TRIT1: variants seen among roughly 807,000 people sequenced by gnomAD.
The protein encoded by TRIT1 is tRNA isopentenyltransferase 1, also known as tRNA dimethylallyltransferase.
A neutral mutation model predicts 51.2 loss-of-function variants in TRIT1; 43 were observed. That is an observed-to-expected ratio of 0.84 (90% CI 0.66 to 1.08). The LOEUF (loss-of-function observed/expected upper bound fraction) is 1.08. Among genes scored for constraint, TRIT1 ranks in the 50% least tolerant of loss-of-function variants. The pLI, the probability that TRIT1 is intolerant of heterozygous loss-of-function variation, is 0.00. For synonymous variants in TRIT1, 184 were observed against 203.9 expected (o/e 0.90, Z 0.83); for missense variants, 528 against 578.4 (o/e 0.91, Z 0.89).
intron 10 of TRIT1, among the ~76,000 whole-genome samples, chr1:39,842,782 A>G (rs1641991427): frequency 6.6e-6 from 1 of 152,236 alleles, no homozygotes; most frequent in South Asian, 2.1e-4. Context: ...TTAAGAGTTT[A>G]GAAGCAAGAA....
chr1:39,850,968 T>C lies in TRIT1; in HGVS notation c.561-707A>G, dbSNP rs536686839. Among the ~76,000 whole-genome samples the C allele has an allele frequency of 5.3e-5, 8 of 152,346 alleles. No individual in the cohort carries two copies. The South Asian group carries it at 1.0e-3, about 20-fold the overall frequency. ...TTATTCTTAAGCCACCATCCACTTCTGTCCGTATCTATTATGTTATGCAGC... is the reference window on the plus strand; with the variant it reads ...TTATTCTTAAGCCACCATCCACTTCCGTCCGTATCTATTATGTTATGCAGC... On this transcript the variant is annotated intron_variant, in intron 4 of 10. Transcript: ENST00000316891.
At chr1:39,870,912 C>T (rs764749938) in intron 1 of TRIT1, among the ~76,000 whole-genome samples, 1 of 152,136 alleles carries the variant, frequency 6.6e-6, no homozygotes. Flanking sequence ...GGTGAATAGA[C>T]ACCAGGCGCG....
intron 1 of TRIT1, among the ~76,000 whole-genome samples, chr1:39,883,110 T>G (rs1644313689): frequency 6.6e-6 from 1 of 152,190 alleles, no homozygotes; most frequent in Non-Finnish European, 1.5e-5. Context: ...TACCAAATAG[T>G]AACGTCGTGA....
At position 39,844,063 on chromosome 1, in the gene TRIT1, C is replaced by T. The variant is rs201497122; in HGVS notation, c.1234+38G>A. 116 of 1,459,458 alleles carry T rather than the reference C, an allele frequency of 7.9e-5. No individual in the cohort carries two copies. In the African/African-American group the frequency reaches 1.4e-3, roughly 17 times the overall value. 90.4% of individuals were successfully genotyped at this position (1,459,458 alleles called of 1,614,324 possible). A position where few individuals can be genotyped will look rare whatever the true frequency, so the allele number is the denominator to read the frequency against. ...ATTTCATGAAGTCAATGTGAACCCA[C>T]CCTTATAGATTTCTTCATGCCCCTC... On this transcript the variant is annotated intron_variant, in intron 10 of 10. Transcript: ENST00000316891.
chr1:39,847,515 G>A (rs1188653749), intron 7 of TRIT1, 33 bp downstream of exon 7: 1 of 1,607,040 alleles, frequency 6.2e-7, no homozygotes, highest in Non-Finnish European at 8.5e-7. Context: ...ACCCAAAGAT[G>A]TCCAAGACTA....
chr1:39,850,597 G>A (rs1472206941), intron 4 of TRIT1, among the ~76,000 whole-genome samples: 1 of 152,090 alleles, frequency 6.6e-6, no homozygotes, highest in African/African-American at 2.4e-5. Context: ...ACTCAGAAAA[G>A]GGTACTAAAG....
At chr1:39,848,343 T>C (rs757048599) in intron 5 of TRIT1, among the ~76,000 whole-genome samples, 3 of 152,062 alleles carry the variant, frequency 2.0e-5, no homozygotes, top group African/African-American at 4.8e-5. Flanking sequence ...AAGCATACAA[T>C]TACAGCAACT....
chr1:39,847,015 T>G, intron 8 of TRIT1: 1 of 533,540 alleles, frequency 1.9e-6, no homozygotes, highest in Non-Finnish European at 3.3e-6. Context: ...GAAGGCAGAC[T>G]CCTCAATGCA....
chr1:39,868,766 A>C (rs1557572181), intron 1 of TRIT1, among the ~76,000 whole-genome samples: 1 of 151,504 alleles, frequency 6.6e-6, no homozygotes, highest in Non-Finnish European at 1.5e-5. Flanking sequence ...ATATGAAAAG[A>C]AGCTCAACAC....
At chr1:39,842,633 C>G (rs192679451) in intron 10 of TRIT1, among the ~76,000 whole-genome samples, 32 of 152,340 alleles carry the variant, frequency 2.1e-4, no homozygotes, top group African/African-American at 7.7e-4. Flanking sequence ...ACCCCTAAGA[C>G]AGTTCCCACC....
At chr1:39,852,484 A>G (rs1294135318) in intron 4 of TRIT1, 6 of 434,488 alleles carry the variant, frequency 1.4e-5, no homozygotes, top group African/African-American at 4.1e-5. Context: ...AAGCAACATT[A>G]TATAGGCCCT....
chr1:39,841,707 T>TC lies in TRIT1; in HGVS notation c.*36dup, dbSNP rs748353166. On this transcript the variant is annotated 3_prime_UTR_variant, in exon 11 of 11. Transcript: ENST00000316891. ...ACATACCCCTCCCTCCTGAACTGGA[T>TC]CCCCACCACCTTTCCAAAGGCCACT... 6.3e-7 allele frequency: 1 copy of TC among 1,577,450 alleles called. No individual in the cohort carries two copies. The highest frequency in any genetic ancestry group is 8.6e-7 in the Non-Finnish European group (1 of 1,163,422).
rs896973725 is a variant in TRIT1, at chr1:39,847,400, C to A, written c.929-103G>T. ...CAGGAAAAAGTCAGCCACGGCAGTG[C>A]AATGTCAGACTTGGTGGACAAAAAT... On this transcript the variant is annotated intron_variant, in intron 7 of 10. Coordinates refer to ENST00000316891, the MANE Select transcript of TRIT1 (RefSeq NM_017646.6). 1.4e-5 allele frequency: 20 copies of A among 1,432,064 alleles called. No homozygotes were observed. In the South Asian group the frequency reaches 1.4e-4, roughly 10 times the overall value. The allele number at this position is 1,432,064 out of a possible 1,614,324, so 88.7% of individuals were successfully genotyped here. A position where few individuals can be genotyped will look rare whatever the true frequency, so the allele number is the denominator to read the frequency against.
chr1:39,842,976 G>A (rs954606860), intron 10 of TRIT1, among the ~76,000 whole-genome samples: 2 of 152,068 alleles, frequency 1.3e-5, no homozygotes, highest in African/African-American at 4.8e-5. Context: ...AGCTCACAAA[G>A]GCTCACACAT....
At chr1:39,881,846 C>T (rs190609403) in intron 1 of TRIT1, among the ~76,000 whole-genome samples, 152 of 152,324 alleles carry the variant, frequency 1.0e-3, no homozygotes, top group Non-Finnish European at 1.6e-3. Flanking sequence ...TCTGTAGTCT[C>T]TCTCCTCCCA....
rs769581003 is a variant in TRIT1 at position 39,848,004 on chromosome 1, T to C, written c.797A>G (p.Lys266Arg). 6.2e-6 allele frequency: 10 copies of C among 1,614,034 alleles called. No individual in the cohort carries two copies. The African/African-American group carries it at 1.2e-4, about 19-fold the overall frequency. Residue 266 changes from lysine (K) to arginine (R), a missense_variant, in exon 6 of 11, where the codon AAG becomes AGG. Around this residue, in one of 3 missense-constraint regions of TRIT1, gnomAD observed 468 missense variants for 522.6 expected, o/e 0.90. Coordinates refer to ENST00000316891, the MANE Select transcript of TRIT1 (RefSeq NM_017646.6). ...LRDFHRRYNQ[K>R]NVSENSQDYQ... Reference sequence around the variant, plus strand: ...TCCTCACCTATTTTCCGAAACATTCTTCTGATTATAGCGTCTGTGAAAATC... The same window carrying C: ...TCCTCACCTATTTTCCGAAACATTCCTCTGATTATAGCGTCTGTGAAAATC...
At chr1:39,869,587 C>T (rs1456433143) in intron 1 of TRIT1, among the ~76,000 whole-genome samples, 3 of 151,994 alleles carry the variant, frequency 2.0e-5, no homozygotes, top group Non-Finnish European at 4.4e-5. Context: ...TGAGGAGCCC[C>T]TCTGCCCGGC....
chr1:39,847,353 G>C (rs1428679782), intron 7 of TRIT1, 56 bp from the exon 8 acceptor site: 4 of 1,542,862 alleles, frequency 2.6e-6, no homozygotes, highest in Non-Finnish European at 3.6e-6. Flanking sequence ...ACCCTGCAGA[G>C]AGGCAGGCCC....
At chr1:39,849,656 T>C (rs772276033) in intron 5 of TRIT1, among the ~76,000 whole-genome samples, 20 of 152,360 alleles carry the variant, frequency 1.3e-4, no homozygotes, top group South Asian at 4.1e-4. Flanking sequence ...CAGCACTTCA[T>C]TGAATGCTTA....
Sources: allele counts gnomAD v4.1 joint callset (sites outside exome capture counted in the v4.1 genomes callset), GRCh38; gene constraint gnomAD v4.1.1; regional missense constraint gnomAD v4.1.1; transcripts MANE v1.5; gene names NCBI Gene and HGNC (gene_info 2026-07-23, HGNC 2026-07-21).